Variants in ZCCHC2 observed in about 807,000 individuals in gnomAD.
The protein encoded by ZCCHC2 is zinc finger CCHC domain-containing protein 2.
In ZCCHC2, 39 loss-of-function variants were observed where a neutral mutation model predicts 103.6. The observed-to-expected ratio is 0.38, with a 90% CI of 0.29 to 0.49. The LOEUF is 0.49. Among genes scored for constraint, ZCCHC2 ranks in the 20% least tolerant of loss-of-function variants. The pLI is 0.96. For synonymous variants in ZCCHC2, 687 were observed against 608.9 expected (o/e 1.13, Z -1.89); for missense variants, 1,483 against 1,491.0 (o/e 0.99, Z 0.09).
Position 62,576,643 on chromosome 18 carries a change from G to A in ZCCHC2, c.*64G>A, listed in dbSNP as rs11557713. The stretch of plus-strand genomic sequence containing the variant: ...GGGAGTCATGGGGTGTGGAGGGGAG[G>A]AAAGGAAAGGTATTTTGTTTCTTTG... On this transcript the variant is annotated 3_prime_UTR_variant, in exon 14 of 14. Transcript: ENST00000269499. 438,201 of 1,465,834 alleles carry A rather than the reference G, an allele frequency of 0.3. 72,547 individuals are homozygous for A. Among genetic ancestry groups the A allele is most frequent in the East Asian group, 0.69 (30,212 of 43,626 alleles). 90.8% of individuals were successfully genotyped at this position (1,465,834 alleles called of 1,614,324 possible).
In ZCCHC2 at chr18:62,523,342, CG is replaced by C. The variant is rs1369849958; in HGVS notation, c.-82del. 1.0e-6 allele frequency: 1 copy of C among 988,768 alleles called. No homozygotes were observed. The highest frequency in any genetic ancestry group is 1.8e-5 in the African/African-American group (1 of 56,628). 61.2% of individuals were successfully genotyped at this position (988,768 alleles called of 1,614,324 possible). On this transcript the variant is annotated 5_prime_UTR_variant, in exon 1 of 14. Coordinates refer to ENST00000269499, the MANE Select transcript of ZCCHC2 (RefSeq NM_017742.6). ...ATGGAGGGGCCCCGCTCCTGACGGCCGCGCCGCCGCCTCGGCCCGTGCTCCA... is the reference window on the plus strand; with the variant it reads ...ATGGAGGGGCCCCGCTCCTGACGGCCCGCCGCCGCCTCGGCCCGTGCTCCA...
Position 62,563,225 on chromosome 18 carries a change from C to T in ZCCHC2, c.1686+81C>T, listed in dbSNP as rs1916203823. On this transcript the variant is annotated intron_variant, in intron 9 of 13. Transcript: ENST00000269499. ...AAAAAAATTAAGTTCTGTAAGCTTTCAGTCAGACAGTATATCTGGTAAGAA... is the reference window on the plus strand; with the variant it reads ...AAAAAAATTAAGTTCTGTAAGCTTTTAGTCAGACAGTATATCTGGTAAGAA... 4.7e-6 allele frequency: 7 copies of T among 1,485,784 alleles called. No homozygotes were observed. The East Asian group carries it at 1.1e-4, about 24-fold the overall frequency. 92.0% of individuals were successfully genotyped at this position (1,485,784 alleles called of 1,614,324 possible). A position where few individuals can be genotyped will look rare whatever the true frequency, so the allele number is the denominator to read the frequency against.
chr18:62,555,013 G>T (rs938457), intron 5 of ZCCHC2, among the ~76,000 whole-genome samples: 3 of 152,028 alleles, frequency 2.0e-5, no homozygotes, highest in Non-Finnish European at 4.4e-5. Context: ...TTTAAAATGC[G>T]CATTAAAAGT....
rs1013898846 is a variant in ZCCHC2, at chr18:62,577,863, T to G, written c.*1284T>G. The G allele has an allele frequency of 2.6e-5, 4 of 152,652 alleles. No homozygotes were observed. The highest frequency in any genetic ancestry group is 9.6e-5 in the African/African-American group (4 of 41,452). The allele number at this position is 152,652 out of a possible 1,614,324, so 9.5% of individuals were successfully genotyped here. On this transcript the variant is annotated 3_prime_UTR_variant, in exon 14 of 14. Transcript: ENST00000269499. ...TTATCTGGAAGATTGGGTGTATTTT[T>G]TGGTGACTGCTGCATTCATCAGCAA...
At chr18:62,569,582 C>A (rs60314228) in intron 11 of ZCCHC2, among the ~76,000 whole-genome samples, 4,045 of 151,828 alleles carry the variant, frequency 0.027, 191 homozygotes, top group African/African-American at 0.093. Flanking sequence ...AAAACAGATA[C>A]GGCTAGTTGG....
downstream of ZCCHC2, among the ~76,000 whole-genome samples, chr18:62,580,074 T>TA (rs1332318828): frequency 6.6e-6 from 1 of 152,224 alleles, no homozygotes; most frequent in African/African-American, 2.4e-5. Context: ...ACACTGCTCC[T>TA]AAATATACCG....
At chr18:62,546,459 C>T (rs1332067987) in intron 4 of ZCCHC2, among the ~76,000 whole-genome samples, 3 of 152,224 alleles carry the variant, frequency 2.0e-5, no homozygotes, top group Non-Finnish European at 4.4e-5. Context: ...CAAGTGATCA[C>T]GAACAGGCTT....
chr18:62,550,840 C>A (rs1915632451), intron 5 of ZCCHC2, among the ~76,000 whole-genome samples: 3 of 152,190 alleles, frequency 2.0e-5, no homozygotes, highest in Admixed American at 2.0e-4. Context: ...TGAAGGGCAG[C>A]CCTGCTTTCC....
intron 8 of ZCCHC2, among the ~76,000 whole-genome samples, chr18:62,561,259 A>G (rs1379677253): frequency 1.3e-5 from 2 of 152,114 alleles, no homozygotes; most frequent in Non-Finnish European, 2.9e-5. Flanking sequence ...TTTACAAGAT[A>G]CTCTTGCCAC....
chr18:62,542,529 A>C lies in ZCCHC2; in HGVS notation c.1083A>C (p.Gly361=), dbSNP rs745586922. The change falls in exon 3 of 14, where the codon GGA becomes GGC. Residue 361 remains glycine, a synonymous_variant. Coordinates refer to ENST00000269499, the MANE Select transcript of ZCCHC2 (RefSeq NM_017742.6). The stretch of plus-strand genomic sequence containing the variant: ...ACATTGAGAAGATAATGTTGAAAGG[A>C]GTCCAGAGAAAAAGAGCTGACAAAT... ...AVHIEKIMLK[G]VQRKRADKYW... is the part of the protein sequence containing the mutation. 1 of 1,565,296 alleles carries C rather than the reference A, an allele frequency of 6.4e-7. No individual in the cohort carries two copies. The highest frequency in any genetic ancestry group is 1.2e-5 in the South Asian group (1 of 84,924).
chr18:62,568,172 A>C (rs959487993), intron 11 of ZCCHC2, among the ~76,000 whole-genome samples: 1 of 152,160 alleles, frequency 6.6e-6, no homozygotes, highest in Non-Finnish European at 1.5e-5. Context: ...TAACTCTAAC[A>C]GACTTCTATT....
exon 15 of ZCCHC2, chr18:62,584,564 T>A (rs1431508536): frequency 6.6e-6 from 1 of 152,210 alleles, no homozygotes; most frequent in African/African-American, 2.4e-5. Flanking sequence ...CAGATGTTAT[T>A]TCCTACTGAC....
intron 5 of ZCCHC2, among the ~76,000 whole-genome samples, chr18:62,555,139 G>A (rs1447366042): frequency 6.6e-6 from 1 of 152,180 alleles, no homozygotes; most frequent in Non-Finnish European, 1.5e-5. Context: ...GAAGTTGAAA[G>A]GCTAACTGGC....
At chr18:62,547,727 A>G (rs1228042979) in intron 4 of ZCCHC2, among the ~76,000 whole-genome samples, 1 of 151,814 alleles carries the variant, frequency 6.6e-6, no homozygotes, top group Non-Finnish European at 1.5e-5. Flanking sequence ...ACACCCGGCT[A>G]ATTTTTGTAT....
In ZCCHC2 at chr18:62,577,853, G is replaced by A. The variant is rs1310048097; in HGVS notation, c.*1274G>A. ...TGCACTGAGGTTATCTGGAAGATTG[G>A]GTGTATTTTTTGGTGACTGCTGCAT... On this transcript the variant is annotated 3_prime_UTR_variant, in exon 14 of 14. Coordinates refer to ENST00000269499, the MANE Select transcript of ZCCHC2 (RefSeq NM_017742.6). The A allele has an allele frequency of 6.6e-6, 1 of 152,514 alleles. No individual in the cohort carries two copies. Among genetic ancestry groups the A allele is most frequent in the Non-Finnish European group, 1.5e-5 (1 of 68,022 alleles). 9.4% of individuals were successfully genotyped at this position (152,514 alleles called of 1,614,324 possible).
At chr18:62,534,760 A>G (rs1315112711) in intron 1 of ZCCHC2, among the ~76,000 whole-genome samples, 1 of 152,208 alleles carries the variant, frequency 6.6e-6, no homozygotes, top group Non-Finnish European at 1.5e-5. Flanking sequence ...CAAATGCTGT[A>G]ATGTTTGGGA....
At chr18:62,539,949 G>C (rs761365229) in intron 2 of ZCCHC2, among the ~76,000 whole-genome samples, 157 bp downstream of exon 2, 1 of 152,164 alleles carries the variant, frequency 6.6e-6, no homozygotes, top group Non-Finnish European at 1.5e-5. Flanking sequence ...TCCTAGTTCT[G>C]CCATCTGCAC....
intron 7 of ZCCHC2, among the ~76,000 whole-genome samples, chr18:62,559,907 A>G (rs923948794): frequency 6.6e-6 from 1 of 152,238 alleles, no homozygotes; most frequent in Non-Finnish European, 1.5e-5. Flanking sequence ...CATAACAACT[A>G]TTTGCATAGC....
In ZCCHC2 at chr18:62,550,451, C is replaced by T; in HGVS notation, c.1304C>T (p.Pro435Leu). The change falls in exon 5 of 14, where the codon CCC becomes CTC. Residue 435 changes from proline (P) to leucine (L), a missense_variant. By Grantham distance (98) the Pro-to-Leu change is moderately conservative (BLOSUM62 -3). Coordinates refer to ENST00000269499, the MANE Select transcript of ZCCHC2 (RefSeq NM_017742.6). Reference protein sequence around the residue: ...REERRHPDLEPILRQLFSSSS... With the variant: ...REERRHPDLELILRQLFSSSS... Reference sequence around the variant, plus strand: ...GAACGGCGACATCCTGACCTAGAGCCCATCCTAAGGTAATGATTTACCTGA... The same window carrying T: ...GAACGGCGACATCCTGACCTAGAGCTCATCCTAAGGTAATGATTTACCTGA... 2 of 1,612,612 alleles carry T rather than the reference C, an allele frequency of 1.2e-6. No homozygotes were observed. Among genetic ancestry groups the T allele is most frequent in the Non-Finnish European group, 1.7e-6 (2 of 1,179,218 alleles).
Sources: allele counts gnomAD v4.1 joint callset (sites outside exome capture counted in the v4.1 genomes callset), GRCh38; gene constraint gnomAD v4.1.1; transcripts MANE v1.5; gene names NCBI Gene and HGNC (gene_info 2026-07-23, HGNC 2026-07-21).